PTK2: variants seen among roughly 807,000 people sequenced by gnomAD.
PTK2 encodes protein tyrosine kinase 2, also known as focal adhesion kinase 1.
Under a neutral mutation model 150.1 loss-of-function variants are expected in PTK2, and 45 were observed. That is an observed-to-expected ratio of 0.30 (90% CI 0.24 to 0.38). The LOEUF is 0.38. PTK2 is among the 10% of genes least tolerant of loss of function. The pLI, the probability that PTK2 is intolerant of heterozygous loss-of-function variation, is 1.00. For synonymous variants in PTK2, 432 were observed against 449.2 expected, an observed-to-expected ratio of 0.96 and a Z score of 0.48; for missense variants, 919 against 1,307.3, an observed-to-expected ratio of 0.70 and a Z score of 4.58.
chr8:140,722,401 C>A (rs1378501064), intron 22 of PTK2, among the ~76,000 whole-genome samples: 1 of 152,044 alleles, frequency 6.6e-6, no homozygotes, highest in Non-Finnish European at 1.5e-5. Flanking sequence ...ACTACAGGTG[C>A]ATCACCAGGC....
At chr8:140,832,334 C>A (rs139423719) in intron 7 of PTK2, among the ~76,000 whole-genome samples, 2,589 of 152,288 alleles carry the variant, frequency 0.017, 30 homozygotes, top group Middle Eastern at 0.038. Context: ...GGATTACAGG[C>A]ATGAGCCACT....
chr8:140,843,612 G>A (rs557036139), intron 7 of PTK2, among the ~76,000 whole-genome samples: 132 of 152,176 alleles, frequency 8.7e-4, no homozygotes, highest in Middle Eastern at 3.4e-3. Context: ...CTCCTTTCTT[G>A]ACTTCACATT....
chr8:140,929,801 T>C (rs2100171078), intron 1 of PTK2, among the ~76,000 whole-genome samples: 2 of 152,050 alleles, frequency 1.3e-5, no homozygotes, highest in Non-Finnish European at 2.9e-5. Flanking sequence ...TTCTCGTCGG[T>C]TAAATAAAGT....
chr8:140,932,444 G>C (rs139589676), intron 1 of PTK2, among the ~76,000 whole-genome samples: 19 of 152,156 alleles, frequency 1.2e-4, no homozygotes, highest in Non-Finnish European at 1.8e-4. Flanking sequence ...TCGAACTCCT[G>C]ACCTCCAGTG....
intron 5 of PTK2, among the ~76,000 whole-genome samples, chr8:140,849,364 G>A (rs552886732): frequency 4.7e-4 from 71 of 152,230 alleles, no homozygotes; most frequent in Middle Eastern, 3.4e-3. Context: ...CACTGGGCAC[G>A]GCCACATCCT....
intron 5 of PTK2, among the ~76,000 whole-genome samples, chr8:140,855,571 G>A (rs1221666859): frequency 6.6e-6 from 1 of 151,940 alleles, no homozygotes; most frequent in Non-Finnish European, 1.5e-5. Context: ...CTCCAGCCTG[G>A]ACAACAGAGC....
intron 3 of PTK2, among the ~76,000 whole-genome samples, chr8:140,885,330 G>A (rs2100151869): frequency 6.6e-6 from 1 of 152,138 alleles, no homozygotes; most frequent in South Asian, 2.1e-4. Flanking sequence ...ATGCCATATA[G>A]TCATTCAACA....
intron 27 of PTK2, chr8:140,675,796 T>C (rs2100013261): frequency 1.2e-5 from 3 of 251,594 alleles, no homozygotes; most frequent in African/African-American, 4.4e-5. Context: ...CTGAGGAGAA[T>C]GTAAATTAGT....
intron 14 of PTK2, 152 bp from the exon 17 acceptor site, chr8:140,764,442 A>C: frequency 3.2e-6 from 2 of 619,606 alleles, no homozygotes; most frequent in Non-Finnish European, 5.7e-6. Context: ...CTCACACATG[A>C]GTCATTTATG....
intron 10 of PTK2, among the ~76,000 whole-genome samples, chr8:140,805,052 C>A (rs1476764534): frequency 1.3e-5 from 2 of 152,130 alleles, no homozygotes; most frequent in African/African-American, 4.8e-5. Context: ...CCCTGTTATT[C>A]CCCCTAGTTC....
Position 140,728,939 on chromosome 8 carries a change from C to A in PTK2, c.2030+6312G>T, listed in dbSNP as rs570464172. Among the ~76,000 whole-genome samples the A allele has an allele frequency of 3.1e-4, 47 of 152,254 alleles. 1 individual carries two copies. Among genetic ancestry groups the A allele is most frequent in the Admixed American group, 2.8e-3 (43 of 15,294 alleles). ...TTAAACATTCTTTGAAAAATTGATA[C>A]ACGCACACATGTCCATTTACTCTCA... On this transcript the variant is annotated intron_variant, in intron 22 of 31. Transcript: ENST00000522684.
chr8:140,738,946 A>T (rs1015439180), intron 21 of PTK2, 72 bp downstream of exon 24: 14 of 1,071,086 alleles, frequency 1.3e-5, no homozygotes, highest in Non-Finnish European at 1.8e-5. Context: ...TATTCCAAAA[A>T]GAGATAATTT....
chr8:141,001,395 G>T (rs1447248666), upstream of PTK2: 2 of 150,914 alleles, frequency 1.3e-5, no homozygotes, highest in African/African-American at 4.9e-5. Context: ...CTCTCGGGGG[G>T]ACTGGGCATG....
In PTK2 at chr8:140,744,643, G is replaced by A. The variant is rs368318390; in HGVS notation, c.1634+9C>T. ...AAGGGAACTTAACAGCTTTATGACT[G>A]TATCTTACCTGTGTACAAATCTTTT... is the stretch of plus-strand genomic sequence containing the variant. On this transcript the variant is annotated intron_variant, in intron 19 of 31. Transcript: ENST00000522684. 9 of 1,511,984 alleles carry A rather than the reference G, an allele frequency of 6.0e-6. No individual in the cohort carries two copies. Among genetic ancestry groups the A allele is most frequent in the African/African-American group, 5.5e-5 (4 of 72,174 alleles). The allele number at this position is 1,511,984 out of a possible 1,614,324, so 93.7% of individuals were successfully genotyped here. A position where few individuals can be genotyped will look rare whatever the true frequency, so the allele number is the denominator to read the frequency against.
intron 29 of PTK2, among the ~76,000 whole-genome samples, chr8:140,672,581 G>A (rs537888313): frequency 6.7e-6 from 1 of 148,506 alleles, no homozygotes; most frequent in East Asian, 1.9e-4. Context: ...TGGCCACAGA[G>A]GGCAGGCTTG....
chr8:140,733,453 A>G (rs1166870490), intron 22 of PTK2, among the ~76,000 whole-genome samples: 1 of 152,122 alleles, frequency 6.6e-6, no homozygotes, highest in African/African-American at 2.4e-5. Context: ...AAATTTGGTT[A>G]ATATTCATGG....
chr8:140,729,780 T>C (rs2100048119), intron 22 of PTK2, among the ~76,000 whole-genome samples: 1 of 152,240 alleles, frequency 6.6e-6, no homozygotes, highest in Non-Finnish European at 1.5e-5. Context: ...AGGCAGTCAG[T>C]AGAGCATGAC....
At chr8:140,986,676 G>C (rs1031030890) in intron 1 of PTK2, among the ~76,000 whole-genome samples, 1 of 152,196 alleles carries the variant, frequency 6.6e-6, no homozygotes, top group African/African-American at 2.4e-5. Context: ...CCTCCAGAGA[G>C]TAAACCAGTA....
chr8:140,838,724 A>G (rs1018039400), intron 7 of PTK2, among the ~76,000 whole-genome samples: 1 of 152,162 alleles, frequency 6.6e-6, no homozygotes, highest in African/African-American at 2.4e-5. Flanking sequence ...AAAAACTTCT[A>G]GGCCGGGCGC....
Sources: allele counts gnomAD v4.1 joint callset (sites outside exome capture counted in the v4.1 genomes callset), GRCh38; gene constraint gnomAD v4.1.1; transcripts MANE v1.5; gene names NCBI Gene and HGNC (gene_info 2026-07-23, HGNC 2026-07-21).